The following BMPR2 variants were observed in gnomAD, a reference collection of about 807,000 sequenced individuals.
The protein encoded by BMPR2 is bone morphogenetic protein receptor type-2.
A neutral mutation model predicts 100.8 loss-of-function variants in BMPR2; 29 were observed. That is an observed-to-expected ratio of 0.29 (90% CI 0.21 to 0.39). The LOEUF is 0.39. BMPR2 is among the 10% of genes least tolerant of loss of function. The pLI is 1.00. For missense variants in BMPR2, 1,011 were observed against 1,274.5 expected (o/e 0.79, Z 3.15); for synonymous variants, 382 against 442.3 (o/e 0.86, Z 1.71).
intron 10 of BMPR2, among the ~76,000 whole-genome samples, chr2:202,551,742 C>T (rs940655302): frequency 3.9e-5 from 6 of 152,120 alleles, no homozygotes; most frequent in Non-Finnish European, 5.9e-5. Flanking sequence ...CTCTGTCACC[C>T]GGGGAGGAGT....
intron 3 of BMPR2, among the ~76,000 whole-genome samples, chr2:202,483,361 G>T (rs576529777): frequency 3.2e-4 from 49 of 151,130 alleles, no homozygotes; most frequent in Non-Finnish European, 6.2e-4. Context: ...GTTTTTGTTT[G>T]TTGGTTGGTT....
chr2:202,556,563 G>T (rs772157357), intron 12 of BMPR2, 32 bp downstream of exon 12: 1 of 1,602,844 alleles, frequency 6.2e-7, no homozygotes, highest in Non-Finnish European at 8.5e-7. Flanking sequence ...TCTCTCCTGT[G>T]TGTCTTTTGG....
intron 11 of BMPR2, 125 bp from the exon 12 acceptor site, chr2:202,555,127 G>A: frequency 1.1e-6 from 1 of 896,040 alleles, no homozygotes; most frequent in Non-Finnish European, 1.7e-6. Context: ...TTAACCTTTA[G>A]AAAAATGTAC....
At chr2:202,491,559 G>A (rs1208905267) in intron 3 of BMPR2, among the ~76,000 whole-genome samples, 1 of 152,034 alleles carries the variant, frequency 6.6e-6, no homozygotes, top group Non-Finnish European at 1.5e-5. Flanking sequence ...GAGTAGCTGG[G>A]ATTACAGGCA....
chr2:202,384,569 T>TTTCTTTCTTTTTCTTTCTTTTCTTTC (rs138215628), intron 1 of BMPR2, among the ~76,000 whole-genome samples: 5 of 93,594 alleles, frequency 5.3e-5, no homozygotes, highest in Admixed American at 1.1e-4. Flanking sequence ...TCTTTCTTTC[T>TTTCTTTCTTTTTCTTTCTTTTCTTTC]TTTTCTTTCT....
intron 1 of BMPR2, among the ~76,000 whole-genome samples, chr2:202,444,304 CAT>C (rs71035006): frequency 0.02 from 2,948 of 150,670 alleles, 64 homozygotes; most frequent in Non-Finnish European, 0.031. Context: ...AACTTAGAAA[CAT>C]AGAATAGAGA....
At chr2:202,438,363 C>T (rs918185923) in intron 1 of BMPR2, among the ~76,000 whole-genome samples, 2 of 150,484 alleles carry the variant, frequency 1.3e-5, no homozygotes, top group Admixed American at 6.6e-5. Context: ...ATTCTGGATA[C>T]TAGTACTTTG....
In BMPR2 at chr2:202,414,130, T is replaced by G. The variant is rs541857912; in HGVS notation, c.76+36580T>G. On this transcript the variant is annotated intron_variant, in intron 1 of 12. Coordinates refer to ENST00000374580, the MANE Select transcript of BMPR2 (RefSeq NM_001204.7). Reference sequence around the variant, plus strand: ...TCAACACCATTTTTCCAACAGCATGTGCTCTTTTCATGTCTGTGTCATATT... The same window carrying G: ...TCAACACCATTTTTCCAACAGCATGGGCTCTTTTCATGTCTGTGTCATATT... Among the ~76,000 whole-genome samples the G allele has an allele frequency of 9.2e-5, 14 of 152,348 alleles. No individual in the cohort carries two copies. The East Asian group carries it at 2.7e-3, about 29-fold the overall frequency.
intron 1 of BMPR2, among the ~76,000 whole-genome samples, chr2:202,417,608 T>C (rs954205267): frequency 6.6e-6 from 1 of 152,030 alleles, no homozygotes; most frequent in African/African-American, 2.4e-5. Context: ...CAGCCTTCCA[T>C]GAAGTATTTT....
In BMPR2 at chr2:202,525,704, A is replaced by G. The variant is rs1029313983; in HGVS notation, c.968-5090A>G. ...GTTTCCTGCTTGTATTGCTGCCTCA[A>G]ATAATATTGGGTTCTGTTACTAGGT... On this transcript the variant is annotated intron_variant, in intron 7 of 12. Coordinates refer to ENST00000374580, the MANE Select transcript of BMPR2 (RefSeq NM_001204.7). Among the ~76,000 whole-genome samples the G allele has an allele frequency of 3.3e-5, 5 of 152,070 alleles. No individual in the cohort carries two copies. In the East Asian group the frequency reaches 9.6e-4, roughly 29 times the overall value.
intron 9 of BMPR2, among the ~76,000 whole-genome samples, chr2:202,534,195 C>T (rs1416565850): frequency 6.8e-6 from 1 of 146,550 alleles, no homozygotes; most frequent in Non-Finnish European, 1.5e-5. Context: ...CACACACACA[C>T]ACATATATAT....
chr2:202,558,606 C>T (rs1688624107), intron 12 of BMPR2, among the ~76,000 whole-genome samples: 1 of 152,016 alleles, frequency 6.6e-6, no homozygotes, highest in Non-Finnish European at 1.5e-5. Flanking sequence ...GACATCGTGT[C>T]AGATAGGCCA....
At chr2:202,386,086 T>A (rs1255835375) in intron 1 of BMPR2, among the ~76,000 whole-genome samples, 2 of 152,210 alleles carry the variant, frequency 1.3e-5, no homozygotes, top group African/African-American at 2.4e-5. Flanking sequence ...TTCCTCCTTA[T>A]GTCCCTGATG....
intron 1 of BMPR2, among the ~76,000 whole-genome samples, chr2:202,391,330 G>T (rs1248445977): frequency 2.0e-5 from 3 of 151,376 alleles, no homozygotes; most frequent in Non-Finnish European, 4.4e-5. Context: ...ATAAAATAGG[G>T]CCTTGCTCTG....
intron 1 of BMPR2, among the ~76,000 whole-genome samples, chr2:202,388,788 A>C (rs1690487321): frequency 9.0e-6 from 1 of 110,908 alleles, no homozygotes; most frequent in Non-Finnish European, 2.1e-5. Context: ...ATTCAGTCTC[A>C]AAAAAAAAAA....
intron 7 of BMPR2, among the ~76,000 whole-genome samples, chr2:202,529,942 G>C (rs1330381668): frequency 6.6e-6 from 1 of 151,888 alleles, no homozygotes; most frequent in Non-Finnish European, 1.5e-5. Context: ...CAGTTCCAGA[G>C]CTATGGTTTT....
At position 202,504,426 on chromosome 2, in the gene BMPR2, G is replaced by A. The variant is rs566820299; in HGVS notation, c.419-9293G>A. 1.6e-4 allele frequency among the ~76,000 whole-genome samples: 25 copies of A among 151,592 alleles called. No individual in the cohort carries two copies. In the South Asian group the frequency reaches 2.9e-3, roughly 18 times the overall value. ...CCTCAAGAGCTGTAACACTCACCGC[G>A]AAGGTCTGCAGCTTCACTCCTGAGC... On this transcript the variant is annotated intron_variant, in intron 3 of 12. Coordinates refer to ENST00000374580, the MANE Select transcript of BMPR2 (RefSeq NM_001204.7).
At chr2:202,411,839 A>G (rs1305827366) in intron 1 of BMPR2, among the ~76,000 whole-genome samples, 1 of 152,202 alleles carries the variant, frequency 6.6e-6, no homozygotes, top group Non-Finnish European at 1.5e-5. Flanking sequence ...ACTTTAAAAA[A>G]GTCTCAAAGT....
chr2:202,385,336 T>TTTTC (rs1283481247), intron 1 of BMPR2, among the ~76,000 whole-genome samples: 11 of 151,112 alleles, frequency 7.3e-5, no homozygotes, highest in African/African-American at 2.2e-4. Flanking sequence ...TTTTGGTATG[T>TTTTC]TTTCTTCTAA....
Sources: gnomAD v4.1 joint callset for allele counts (sites outside exome capture counted in the v4.1 genomes callset) on GRCh38, gnomAD v4.1.1 for gene constraint, MANE v1.5 for transcripts, NCBI Gene and HGNC (gene_info 2026-07-23, HGNC 2026-07-21) for gene names.